Variants in LRRC7 observed in about 807,000 individuals in gnomAD.
LRRC7 encodes the protein leucine rich repeat containing 7.
A neutral mutation model predicts 175.7 loss-of-function variants in LRRC7; 23 were observed. The observed-to-expected ratio is 0.13, with a 90% confidence interval of 0.09 to 0.19. The LOEUF (loss-of-function observed/expected upper bound fraction) is 0.19, where lower values mean the gene tolerates loss of function less well. Ranked by LOEUF, LRRC7 falls within the 10% of genes least tolerant of loss-of-function variation. LRRC7 has a pLI of 1.00. For synonymous variants in LRRC7, 685 were observed against 680.9 expected (o/e 1.01, Z -0.09); for missense variants, 1,354 against 1,904.7 (o/e 0.71, Z 5.38).
At chr1:69,796,403 A>G (rs1675771908) in intron 4 of LRRC7, among the ~76,000 whole-genome samples, 1 of 151,806 alleles carries the variant, frequency 6.6e-6, no homozygotes, top group Non-Finnish European at 1.5e-5. Flanking sequence ...ACAAGGAATC[A>G]TATTATCTTC....
At chr1:69,755,420 T>A (rs1369144647) in intron 2 of LRRC7, among the ~76,000 whole-genome samples, 1 of 148,786 alleles carries the variant, frequency 6.7e-6, no homozygotes, top group African/African-American at 2.5e-5. Context: ...ATATATATAT[T>A]TTGCAAGGAT....
chr1:69,934,235 T>G (rs1647712411), intron 8 of LRRC7, among the ~76,000 whole-genome samples: 1 of 152,078 alleles, frequency 6.6e-6, no homozygotes, highest in South Asian at 2.1e-4. Context: ...TATTTTTGCA[T>G]GACATGGTAA....
At chr1:69,957,369 G>GTACCTTACTT (rs1238724536) in intron 8 of LRRC7, among the ~76,000 whole-genome samples, 19 of 151,846 alleles carry the variant, frequency 1.3e-4, no homozygotes, top group Non-Finnish European at 2.8e-4. Flanking sequence ...CAAACGTAAG[G>GTACCTTACTT]TACTGACATA....
At chr1:69,675,909 A>G (rs570320280) in intron 1 of LRRC7, among the ~76,000 whole-genome samples, 2 of 152,046 alleles carry the variant, frequency 1.3e-5, no homozygotes, top group East Asian at 3.9e-4. Flanking sequence ...TTCTCACTTG[A>G]CATGAATTTT....
intron 2 of LRRC7, among the ~76,000 whole-genome samples, chr1:69,679,431 A>G (rs1195454916): frequency 6.6e-6 from 1 of 152,242 alleles, no homozygotes; most frequent in East Asian, 1.9e-4. Context: ...GGGCACACTC[A>G]TGGCAAATGA....
rs771860634 is a variant in LRRC7 at position 70,036,428 on chromosome 1, C to T, written c.2108-16C>T. On this transcript the variant is annotated splice_polypyrimidine_tract_variant and intron_variant, in intron 19 of 26. Transcript: ENST00000651989. Reference sequence around the variant, plus strand: ...CAGTGTCATAGCATTATAACATTTTCCCCTTTAAATTTCAGAATCAACTGA... The same window carrying T: ...CAGTGTCATAGCATTATAACATTTTTCCCTTTAAATTTCAGAATCAACTGA... 1 of 1,599,460 alleles carries T rather than the reference C, an allele frequency of 6.3e-7. No homozygotes were observed. Among genetic ancestry groups the T allele is most frequent in the South Asian group, 1.1e-5 (1 of 88,082 alleles).
chr1:69,736,012 A>G (rs1020069789), intron 2 of LRRC7, among the ~76,000 whole-genome samples: 1 of 152,158 alleles, frequency 6.6e-6, no homozygotes, highest in African/African-American at 2.4e-5. Context: ...GCTGGTTAAA[A>G]TGCTCAAAAT....
At chr1:69,980,325 A>G in intron 8 of LRRC7, 54 bp from the exon 9 acceptor site, 1 of 1,372,932 alleles carries the variant, frequency 7.3e-7, no homozygotes, top group South Asian at 1.2e-5. Flanking sequence ...TGTGATAAGT[A>G]AAAACTAATT....
intron 2 of LRRC7, among the ~76,000 whole-genome samples, chr1:69,692,944 GA>G (rs1316121752): frequency 1.3e-5 from 2 of 152,172 alleles, no homozygotes; most frequent in Non-Finnish European, 2.9e-5. Context: ...ATGAGGACGT[GA>G]ATAGAACAAA....
chr1:69,728,514 G>C (rs1432312144), intron 2 of LRRC7, among the ~76,000 whole-genome samples: 2 of 150,618 alleles, frequency 1.3e-5, no homozygotes, highest in Admixed American at 1.3e-4. Flanking sequence ...AGACAGATTA[G>C]ATAGTTATTG....
intron 4 of LRRC7, among the ~76,000 whole-genome samples, chr1:69,797,713 AC>A (rs1302077977): frequency 5.3e-5 from 8 of 152,042 alleles, no homozygotes; most frequent in Non-Finnish European, 8.8e-5. Flanking sequence ...CAATTACCAA[AC>A]CCATTCTCCA....
At chr1:69,834,628 C>T (rs1680904442) in intron 5 of LRRC7, 152 bp from the exon 6 acceptor site, 2 of 692,504 alleles carry the variant, frequency 2.9e-6, no homozygotes, top group East Asian at 5.6e-5. Context: ...ACTGTAACAA[C>T]ATGCTCAATA....
intron 3 of LRRC7, among the ~76,000 whole-genome samples, chr1:69,779,698 G>A (rs1673259026): frequency 6.6e-6 from 1 of 152,172 alleles, no homozygotes; most frequent in Admixed American, 6.5e-5. Flanking sequence ...CAACAGCAGT[G>A]ATATTTATTG....
chr1:69,950,023 T>C (rs1313398685), intron 8 of LRRC7, among the ~76,000 whole-genome samples: 1 of 151,848 alleles, frequency 6.6e-6, no homozygotes, highest in African/African-American at 2.4e-5. Context: ...GCATTTTTTT[T>C]CTTTCACTTG....
intron 18 of LRRC7, 112 bp downstream of exon 18, chr1:70,028,483 T>A: frequency 1.1e-6 from 1 of 911,656 alleles, no homozygotes; most frequent in Non-Finnish European, 1.7e-6. Context: ...TCCTAAAATA[T>A]AAATGATCTC....
intron 7 of LRRC7, among the ~76,000 whole-genome samples, chr1:69,859,990 G>T (rs1301041868): frequency 6.6e-6 from 1 of 151,828 alleles, no homozygotes; most frequent in Non-Finnish European, 1.5e-5. Context: ...GCCAACTTAC[G>T]ATCTCAATTC....
rs961590038 is a variant in LRRC7, at chr1:70,039,242, C to G, written c.3418C>G (p.Gln1140Glu). 2 of 1,613,480 alleles carry G rather than the reference C, an allele frequency of 1.2e-6. No homozygotes were observed. The highest frequency in any genetic ancestry group is 1.7e-6 in the Non-Finnish European group (2 of 1,179,946). ...SVNEDAVVNA[Q>E]FASQGARAGF... ...GAATGAGGATGCTGTGGTGAATGCC[C>G]AGTTCGCAAGCCAAGGGGCCAGGGC... Residue 1140 changes from glutamine (Q) to glutamate (E), a missense_variant, in exon 21 of 27, where the codon CAG (glutamine) becomes GAG (glutamate). By Grantham distance (29) the Gln-to-Glu change is conservative. This residue lies in a region of LRRC7 where 1,032 missense variants were observed against 1,227.2 expected (regional missense o/e 0.84). Transcript: ENST00000651989.
In LRRC7 at chr1:69,717,826, GAAAGAAAGAAAGAAA is replaced by G. The variant is rs1415238071; in HGVS notation, c.100+39361_100+39375del. Among the ~76,000 whole-genome samples the G allele has an allele frequency of 2.4e-4, 6 of 25,298 alleles. 2 individuals are homozygous for G. Among genetic ancestry groups the G allele is most frequent in the African/African-American group, 1.2e-3 (5 of 4,246 alleles). 16.6% of individuals were successfully genotyped at this position (25,298 alleles called of 152,430 possible). A position where few individuals can be genotyped will look rare whatever the true frequency, so the allele number is the denominator to read the frequency against. On this transcript the variant is annotated intron_variant, in intron 2 of 26. Coordinates refer to ENST00000651989, the MANE Select transcript of LRRC7 (RefSeq NM_001370785.2). Reference sequence around the variant, plus strand: ...AGAAAGAAAGAAAGAAAGAAAGAAAGAAAGAAAGAAAGAAAAAAGAAAGAAAGGAAAGAAAGAAAG... The same window carrying G: ...AGAAAGAAAGAAAGAAAGAAAGAAAGAAAGAAAGAAAGGAAAGAAAGAAAG...
chr1:69,780,561 C>T (rs1673367873), intron 3 of LRRC7, among the ~76,000 whole-genome samples: 1 of 152,040 alleles, frequency 6.6e-6, no homozygotes, highest in African/African-American at 2.4e-5. Flanking sequence ...TAAATGATGT[C>T]ACAATTGGAA....
Sources: allele counts gnomAD v4.1 joint callset (sites outside exome capture counted in the v4.1 genomes callset), GRCh38; gene constraint gnomAD v4.1.1; regional missense constraint gnomAD v4.1.1; transcripts MANE v1.5; gene names NCBI Gene and HGNC (gene_info 2026-07-23, HGNC 2026-07-21).